The following FAM169A variants were observed in gnomAD, a reference collection of about 807,000 sequenced individuals.
The protein encoded by FAM169A is family with sequence similarity 169 member A.
Under a neutral mutation model 75.7 loss-of-function variants are expected in FAM169A, and 24 were observed. The observed-to-expected ratio is 0.32, with a 90% confidence interval of 0.23 to 0.45. FAM169A has a LOEUF of 0.45. FAM169A is among the 20% of genes least tolerant of loss of function. FAM169A has a pLI of 1.00. For missense variants in FAM169A, 673 were observed against 784.0 expected (o/e 0.86, Z 1.69); for synonymous variants, 271 against 271.0 (o/e 1.00, Z 0.00).
chr5:74,853,868 CG>C (rs1749573798), intron 1 of FAM169A, among the ~76,000 whole-genome samples: 1 of 151,394 alleles, frequency 6.6e-6, no homozygotes, highest in Admixed American at 6.6e-5. Flanking sequence ...CCACCACACC[CG>C]GCTAATCTTC....
At chr5:74,846,986 C>A (rs1749189239) in intron 1 of FAM169A, among the ~76,000 whole-genome samples, 2 of 152,080 alleles carry the variant, frequency 1.3e-5, no homozygotes, top group South Asian at 4.1e-4. Flanking sequence ...CCAGTGTTGT[C>A]CAAACCTCAG....
At chr5:74,783,898 T>C (rs1745535451) in intron 11 of FAM169A, among the ~76,000 whole-genome samples, 1 of 152,180 alleles carries the variant, frequency 6.6e-6, no homozygotes, top group African/African-American at 2.4e-5. Context: ...ACAAATAGAT[T>C]TGACTGTGTA....
chr5:74,828,506 T>C (rs1007536395), intron 5 of FAM169A, among the ~76,000 whole-genome samples: 23 of 152,292 alleles, frequency 1.5e-4, no homozygotes, highest in African/African-American at 5.3e-4. Context: ...AGTCTCCATG[T>C]GCCCCCAGGA....
At chr5:74,854,891 T>C (rs1749630278) in intron 1 of FAM169A, among the ~76,000 whole-genome samples, 1 of 152,240 alleles carries the variant, frequency 6.6e-6, no homozygotes, top group Non-Finnish European at 1.5e-5. Context: ...AAATCTTAGC[T>C]ATTATGAATA....
At chr5:74,860,305 C>T (rs911644847) in intron 1 of FAM169A, among the ~76,000 whole-genome samples, 1 of 152,194 alleles carries the variant, frequency 6.6e-6, no homozygotes, top group Non-Finnish European at 1.5e-5. Flanking sequence ...TTTTAGACTA[C>T]AAAATTCTTT....
At chr5:74,815,100 T>C (rs938258882) in intron 5 of FAM169A, among the ~76,000 whole-genome samples, 1 of 152,244 alleles carries the variant, frequency 6.6e-6, no homozygotes, top group African/African-American at 2.4e-5. Flanking sequence ...TTACATAACT[T>C]TCTGGAACAA....
chr5:74,797,338 G>A (rs529348599), intron 10 of FAM169A, among the ~76,000 whole-genome samples: 2 of 152,106 alleles, frequency 1.3e-5, no homozygotes, highest in South Asian at 4.2e-4. Context: ...CACCACGCCC[G>A]GCTAATTTTT....
At chr5:74,856,110 C>G (rs1158777173) in intron 1 of FAM169A, among the ~76,000 whole-genome samples, 1 of 152,170 alleles carries the variant, frequency 6.6e-6, no homozygotes, top group Non-Finnish European at 1.5e-5. Flanking sequence ...AGATTTATTT[C>G]TGGGTTCTCT....
At chr5:74,796,231 A>G in intron 10 of FAM169A, 45 bp from the exon 11 acceptor site, 2 of 1,534,846 alleles carry the variant, frequency 1.3e-6, no homozygotes, top group Non-Finnish European at 1.8e-6. Flanking sequence ...TATTAAGGAT[A>G]AATATAAAAT....
rs1745310811 is a variant in FAM169A, at chr5:74,779,619, T to C, written c.*1841A>G. ...TTGGTAGATTCACTAATAGTAGTCA[T>C]ACTTTTTTTTTTTTACTTAGTATTA... On this transcript the variant is annotated 3_prime_UTR_variant, in exon 13 of 13. Coordinates refer to ENST00000687041, the MANE Select transcript of FAM169A (RefSeq NM_001376049.1). 1.3e-5 allele frequency: 2 copies of C among 151,408 alleles called. No individual in the cohort carries two copies. The highest frequency in any genetic ancestry group is 6.6e-5 in the Admixed American group (1 of 15,236). 9.4% of individuals were successfully genotyped at this position (151,408 alleles called of 1,614,324 possible).
Position 74,813,885 on chromosome 5 carries a change from C to G in FAM169A, c.625G>C (p.Asp209His), listed in dbSNP as rs1259587051. ...AGTGGATACCGCAAGCCAAGCGCAT[C>G]TTCTGTAAAGGAATCAACAAAGTCC... ...LEDFVDSFTE[D>H]ALGLRYPLSS... Residue 209 changes from aspartate to histidine, a missense_variant, in exon 6 of 13, where the codon GAT (aspartate) becomes CAT (histidine). Coordinates refer to ENST00000687041, the MANE Select transcript of FAM169A (RefSeq NM_001376049.1). The G allele has an allele frequency of 6.2e-7, 1 of 1,604,632 alleles. No homozygotes were observed. The highest frequency in any genetic ancestry group is 8.5e-7 in the Non-Finnish European group (1 of 1,177,620).
chr5:74,790,596 C>T (rs920410443), intron 11 of FAM169A, among the ~76,000 whole-genome samples: 3 of 152,132 alleles, frequency 2.0e-5, no homozygotes, highest in South Asian at 4.2e-4. Context: ...TTTTAATAAT[C>T]GAGTGGATAG....
At chr5:74,793,788 G>A (rs1344510827) in intron 11 of FAM169A, among the ~76,000 whole-genome samples, 4 of 151,880 alleles carry the variant, frequency 2.6e-5, no homozygotes, top group Admixed American at 6.6e-5. Context: ...CGGATCACAC[G>A]GTCAGGAGAT....
chr5:74,790,287 C>A (rs1372947498), intron 11 of FAM169A, among the ~76,000 whole-genome samples: 3 of 152,182 alleles, frequency 2.0e-5, no homozygotes, highest in Non-Finnish European at 1.5e-5. Flanking sequence ...AGCCCTATAG[C>A]CCCTTTCCTG....
At chr5:74,815,399 T>C (rs1747420618) in intron 5 of FAM169A, among the ~76,000 whole-genome samples, 1 of 151,948 alleles carries the variant, frequency 6.6e-6, no homozygotes, top group Non-Finnish European at 1.5e-5. Flanking sequence ...CCATGTTGAC[T>C]AGGCTGGTCT....
At chr5:74,794,701 C>T (rs1746171435) in intron 11 of FAM169A, among the ~76,000 whole-genome samples, 1 of 151,052 alleles carries the variant, frequency 6.6e-6, no homozygotes, top group South Asian at 2.1e-4. Context: ...ATGGCCTGAA[C>T]CCGGGAGGCA....
In FAM169A at chr5:74,813,933, C is replaced by G; in HGVS notation, c.577G>C (p.Asp193His). ...MFLRKKYRGKDFGLHMLEDFV... is the reference protein window; with the variant it reads ...MFLRKKYRGKHFGLHMLEDFV... ...TCCTCCAGCATGTGAAGCCCAAAATCTTTACCTCTGTATTTCTTTCTTAGA... is the reference window on the plus strand; with the variant it reads ...TCCTCCAGCATGTGAAGCCCAAAATGTTTACCTCTGTATTTCTTTCTTAGA... Residue 193 changes from aspartate to histidine, a missense_variant, in exon 6 of 13, where the codon GAT (aspartate) becomes CAT (histidine). Physicochemically the swap from Asp to His is moderately conservative, Grantham distance 81 (BLOSUM62 -1). Coordinates refer to ENST00000687041, the MANE Select transcript of FAM169A (RefSeq NM_001376049.1). 3 of 1,609,048 alleles carry G rather than the reference C, an allele frequency of 1.9e-6. No individual in the cohort carries two copies. The highest frequency in any genetic ancestry group is 2.5e-6 in the Non-Finnish European group (3 of 1,178,846).
At chr5:74,840,547 G>C (rs941172465) in intron 2 of FAM169A, among the ~76,000 whole-genome samples, 3 of 148,824 alleles carry the variant, frequency 2.0e-5, no homozygotes, top group African/African-American at 4.9e-5. Flanking sequence ...AAAAAAAGCA[G>C]GCCGGGCACA....
chr5:74,845,980 T>C (rs1309745214), intron 1 of FAM169A, among the ~76,000 whole-genome samples: 1 of 152,202 alleles, frequency 6.6e-6, no homozygotes, highest in Non-Finnish European at 1.5e-5. Context: ...AAGATTAAAA[T>C]TGTAGATGAA....
Sources: allele counts gnomAD v4.1 joint callset (sites outside exome capture counted in the v4.1 genomes callset), GRCh38; gene constraint gnomAD v4.1.1; transcripts MANE v1.5; gene names NCBI Gene and HGNC (gene_info 2026-07-23, HGNC 2026-07-21).